Variants in SLC6A11 observed in about 807,000 individuals in gnomAD.
The protein encoded by SLC6A11 is sodium- and chloride-dependent GABA transporter 3.
In SLC6A11, 25 loss-of-function variants were observed where a neutral mutation model predicts 74.8. The ratio of observed to expected loss-of-function variants is 0.33; its 90% CI spans 0.24 to 0.47. The LOEUF (loss-of-function observed/expected upper bound fraction) is 0.47. Among genes scored for constraint, SLC6A11 ranks in the 20% least tolerant of loss-of-function variants. The pLI is 1.00. For missense variants in SLC6A11, 574 were observed against 837.0 expected, an observed-to-expected ratio of 0.69 and a Z score of 3.88; for synonymous variants, 330 against 330.2, an observed-to-expected ratio of 1.00 and a Z score of 0.01.
chr3:10,889,479 G>A (rs1470123904), intron 6 of SLC6A11, among the ~76,000 whole-genome samples: 1 of 152,122 alleles, frequency 6.6e-6, no homozygotes, highest in African/African-American at 2.4e-5. Flanking sequence ...CCCCTGAACT[G>A]ATCTTTTCCC....
chr3:10,903,561 C>T (rs1173424609), intron 6 of SLC6A11, among the ~76,000 whole-genome samples: 1 of 152,194 alleles, frequency 6.6e-6, no homozygotes, highest in Non-Finnish European at 1.5e-5. Flanking sequence ...GCTTCAGCCT[C>T]CATTCCTGGG....
chr3:10,930,378 G>A (rs1022910721), intron 10 of SLC6A11, among the ~76,000 whole-genome samples: 1 of 152,172 alleles, frequency 6.6e-6, no homozygotes, highest in African/African-American at 2.4e-5. Context: ...CCCTTGCTTG[G>A]CTTCATGCCC....
intron 6 of SLC6A11, among the ~76,000 whole-genome samples, chr3:10,893,218 T>C (rs1463431366): frequency 1.3e-5 from 2 of 152,162 alleles, no homozygotes; most frequent in Non-Finnish European, 2.9e-5. Flanking sequence ...TACAGACCTC[T>C]TTAGTGAATA....
intron 6 of SLC6A11, among the ~76,000 whole-genome samples, chr3:10,909,658 T>C (rs1575698753): frequency 6.6e-6 from 1 of 152,288 alleles, no homozygotes; most frequent in Non-Finnish European, 1.5e-5. Context: ...AGGCCCAGTG[T>C]CTGGTCAGGC....
intron 6 of SLC6A11, among the ~76,000 whole-genome samples, chr3:10,882,615 A>C (rs1194557811): frequency 6.6e-6 from 1 of 152,248 alleles, no homozygotes; most frequent in African/African-American, 2.4e-5. Context: ...AGGACCAAAC[A>C]AGTGAACAAA....
At chr3:10,866,944 G>A (rs1052515737) in intron 5 of SLC6A11, among the ~76,000 whole-genome samples, 2 of 152,170 alleles carry the variant, frequency 1.3e-5, no homozygotes, top group African/African-American at 2.4e-5. Context: ...CAGACTGTTA[G>A]TTGACTGCTT....
At chr3:10,844,471 A>G (rs1249750997) in intron 5 of SLC6A11, 125 bp downstream of exon 5, 3 of 1,169,296 alleles carry the variant, frequency 2.6e-6, no homozygotes, top group Non-Finnish European at 3.7e-6. Flanking sequence ...GGGGAGGAAC[A>G]CTGGACCAGA....
intron 6 of SLC6A11, among the ~76,000 whole-genome samples, chr3:10,907,387 T>C (rs751803259): frequency 3.3e-5 from 5 of 151,882 alleles, no homozygotes; most frequent in Admixed American, 2.0e-4. Context: ...AAAGAAAAAG[T>C]GATAGGTATA....
intron 5 of SLC6A11, among the ~76,000 whole-genome samples, chr3:10,867,483 G>A (rs1490455616): frequency 6.6e-6 from 1 of 152,204 alleles, no homozygotes; most frequent in Non-Finnish European, 1.5e-5. Flanking sequence ...CCCAGTAGGT[G>A]TTCAGTTAAT....
intron 4 of SLC6A11, among the ~76,000 whole-genome samples, chr3:10,832,308 C>T (rs1694308135): frequency 6.6e-6 from 1 of 152,032 alleles, no homozygotes; most frequent in Admixed American, 6.5e-5. Flanking sequence ...CAGGGAGGCA[C>T]TGGGGATCCT....
rs559585393 is a variant in SLC6A11, at chr3:10,919,802, G to C, written c.1120+1349G>C. Among the ~76,000 whole-genome samples, 3 of 152,324 alleles carry C rather than the reference G, an allele frequency of 2.0e-5. No individual in the cohort carries two copies. In the South Asian group the frequency reaches 6.2e-4, roughly 32 times the overall value. On this transcript the variant is annotated intron_variant, in intron 8 of 13. Coordinates refer to ENST00000254488, the MANE Select transcript of SLC6A11 (RefSeq NM_014229.3). ...ATGATGCTCAGCTCAGCCCTCTGAA[G>C]TGGCATTTTTGCTACCCCCATTTTA...
intron 3 of SLC6A11, among the ~76,000 whole-genome samples, chr3:10,821,010 A>G (rs541397177): frequency 2.0e-5 from 3 of 152,268 alleles, no homozygotes; most frequent in South Asian, 4.1e-4. Context: ...TTCTAGCCCT[A>G]TGTGATGCCT....
At chr3:10,936,097 T>A (rs1002152404) in intron 13 of SLC6A11, among the ~76,000 whole-genome samples, 2 of 152,120 alleles carry the variant, frequency 1.3e-5, no homozygotes, top group Non-Finnish European at 2.9e-5. Context: ...AGCCCGATGG[T>A]TTGAGTGGGT....
Position 10,819,590 on chromosome 3 carries a change from T to C in SLC6A11, c.382T>C (p.Leu128=). 6.2e-7 allele frequency: 1 copy of C among 1,614,020 alleles called. No individual in the cohort carries two copies. Among genetic ancestry groups the C allele is most frequent in the Non-Finnish European group, 8.5e-7 (1 of 1,179,980 alleles). The part of the protein sequence containing the change: ...GITCWRKVCP[L]FEGIGYATQV... ...TACGTGTTGGAGGAAAGTTTGCCCTTTATTTGAAGGTATGTGTTGAGTTAA... is the reference window on the plus strand; with the variant it reads ...TACGTGTTGGAGGAAAGTTTGCCCTCTATTTGAAGGTATGTGTTGAGTTAA... The change falls in exon 2 of 14, where the codon TTA becomes CTA. Residue 128 remains leucine, a synonymous_variant. Coordinates refer to ENST00000254488, the MANE Select transcript of SLC6A11 (RefSeq NM_014229.3).
At position 10,935,202 on chromosome 3, in the gene SLC6A11, G is replaced by A. The variant is rs1367193780; in HGVS notation, c.1746+3G>A. ...AGACGGAGGGGACACTGCCCGAGGT[G>A]AGACCGCCCCAGGAGGGCTGGTGCG... On this transcript the variant is annotated splice_donor_region_variant and intron_variant, in intron 13 of 13. Transcript: ENST00000254488. 6 of 1,613,862 alleles carry A rather than the reference G, an allele frequency of 3.7e-6. No homozygotes were observed. The highest frequency in any genetic ancestry group is 1.6e-4 in the Middle Eastern group (1 of 6,078).
chr3:10,873,584 GCTATCCTATC>G (rs955181539), intron 5 of SLC6A11, among the ~76,000 whole-genome samples: 6 of 116,370 alleles, frequency 5.2e-5, no homozygotes, highest in Admixed American at 8.5e-5. Context: ...CCTACCCTAC[GCTATCCTATC>G]CTATCCTATC....
At chr3:10,848,549 A>G (rs976262245) in intron 5 of SLC6A11, among the ~76,000 whole-genome samples, 4 of 152,206 alleles carry the variant, frequency 2.6e-5, no homozygotes, top group Admixed American at 1.3e-4. Flanking sequence ...CAGCTTCAGT[A>G]GGTAGCAAGA....
chr3:10,891,933 G>C (rs1212293017), intron 6 of SLC6A11, among the ~76,000 whole-genome samples: 1 of 152,228 alleles, frequency 6.6e-6, no homozygotes, highest in Admixed American at 6.5e-5. Flanking sequence ...CAAATAGGCA[G>C]ATGTGTGTGA....
At chr3:10,906,926 C>T (rs111516957) in intron 6 of SLC6A11, among the ~76,000 whole-genome samples, 125 of 152,292 alleles carry the variant, frequency 8.2e-4, no homozygotes, top group African/African-American at 2.4e-3. Context: ...CATTCCTCTA[C>T]GCAAGAAAAT....
Sources: allele counts gnomAD v4.1 joint callset (sites outside exome capture counted in the v4.1 genomes callset), GRCh38; gene constraint gnomAD v4.1.1; transcripts MANE v1.5; gene names NCBI Gene and HGNC (gene_info 2026-07-23, HGNC 2026-07-21).